Variants in HAUS2 observed in about 807,000 individuals in gnomAD.
The protein encoded by HAUS2 is HAUS augmin-like complex subunit 2.
Under a neutral mutation model 21.6 loss-of-function variants are expected in HAUS2, and 20 were observed. The ratio of observed to expected loss-of-function variants is 0.93; its 90% confidence interval spans 0.65 to 1.35. HAUS2 has a LOEUF of 1.35. HAUS2 is among the 40% of genes most tolerant of loss of function. The pLI is 0.00. For synonymous variants in HAUS2, 113 were observed against 95.6 expected, an observed-to-expected ratio of 1.18 and a Z score of -1.06; for missense variants, 297 against 280.7, an observed-to-expected ratio of 1.06 and a Z score of -0.42.
intron 1 of HAUS2, among the ~76,000 whole-genome samples, chr15:42,550,255 T>C (rs2141587964): frequency 7.7e-6 from 1 of 130,422 alleles, no homozygotes; most frequent in South Asian, 2.4e-4. Flanking sequence ...GCACTTAGCC[T>C]GGGCGACAGA....
chr15:42,552,706 C>G (rs753600948), intron 1 of HAUS2, among the ~76,000 whole-genome samples: 1 of 152,088 alleles, frequency 6.6e-6, no homozygotes, highest in Non-Finnish European at 1.5e-5. Flanking sequence ...TTGACCAAAG[C>G]TTGATCATTG....
intron 1 of HAUS2, among the ~76,000 whole-genome samples, chr15:42,551,674 G>A (rs578104305): frequency 6.6e-6 from 1 of 152,022 alleles, no homozygotes; most frequent in Non-Finnish European, 1.5e-5. Context: ...TTGGTACTTG[G>A]TATCCCTCTA....
At chr15:42,564,621 T>G (rs983975423) in intron 5 of HAUS2, among the ~76,000 whole-genome samples, 3 of 152,086 alleles carry the variant, frequency 2.0e-5, no homozygotes, top group African/African-American at 7.2e-5. Flanking sequence ...GGATTCTGAG[T>G]AGGATAGGGA....
In HAUS2 at chr15:42,557,515, A is replaced by ATATATAATGTATATAT. The variant is rs1566832129; in HGVS notation, c.94-677_94-676insATGTATATATTATATA. 2.1e-3 allele frequency among the ~76,000 whole-genome samples: 272 copies of ATATATAATGTATATAT among 128,800 alleles called. 1 individual carries two copies. Among genetic ancestry groups the ATATATAATGTATATAT allele is most frequent in the African/African-American group, 8.6e-3 (218 of 25,252 alleles). The allele number at this position is 128,800 out of a possible 152,430, so 84.5% of individuals were successfully genotyped here. A position where few individuals can be genotyped will look rare whatever the true frequency, so the allele number is the denominator to read the frequency against. On this transcript the variant is annotated intron_variant, in intron 1 of 5. Coordinates refer to ENST00000260372, the MANE Select transcript of HAUS2 (RefSeq NM_018097.3). ...ATACATTGTATATAATGTATATATT[A>ATATATAATGTATATAT]TATATATATGAAGTTCTTTGCTGTG...
At chr15:42,555,251 G>T (rs1450288121) in intron 1 of HAUS2, among the ~76,000 whole-genome samples, 1 of 152,002 alleles carries the variant, frequency 6.6e-6, no homozygotes, top group Non-Finnish European at 1.5e-5. Flanking sequence ...CTCCCAAAGT[G>T]CTGGGATTAC....
intron 1 of HAUS2, among the ~76,000 whole-genome samples, chr15:42,556,648 C>T (rs2057779487): frequency 1.3e-5 from 2 of 152,034 alleles, no homozygotes; most frequent in Admixed American, 1.3e-4. Context: ...TGTACAAAAA[C>T]AGGTAATGGG....
chr15:42,551,290 T>C (rs914555081), intron 1 of HAUS2, among the ~76,000 whole-genome samples: 2 of 151,992 alleles, frequency 1.3e-5, no homozygotes, highest in African/African-American at 4.8e-5. Flanking sequence ...TCTTATCAGG[T>C]TACCTAGTAC....
At chr15:42,563,038 A>G (rs2057866318) in intron 4 of HAUS2, among the ~76,000 whole-genome samples, 1 of 151,866 alleles carries the variant, frequency 6.6e-6, no homozygotes, top group South Asian at 2.1e-4. Flanking sequence ...ACTTGAACCC[A>G]GGAGGCAGAG....
intron 1 of HAUS2, among the ~76,000 whole-genome samples, chr15:42,550,632 A>T (rs1324243587): frequency 6.6e-6 from 1 of 152,148 alleles, no homozygotes; most frequent in Non-Finnish European, 1.5e-5. Context: ...GAGTGACCAC[A>T]GCACTCTACA....
chr15:42,564,549 G>A (rs1409442251), intron 5 of HAUS2, among the ~76,000 whole-genome samples: 1 of 152,156 alleles, frequency 6.6e-6, no homozygotes, highest in Non-Finnish European at 1.5e-5. Flanking sequence ...ATGCAGCAAA[G>A]AATTACAAAG....
At chr15:42,560,909 A>G (rs1244131395) in intron 3 of HAUS2, 16 of 695,968 alleles carry the variant, frequency 2.3e-5, no homozygotes, top group Non-Finnish European at 3.9e-5. Flanking sequence ...CTCTTTTTCG[A>G]TGGTCTTTTA....
rs76830999 is a variant in HAUS2, at chr15:42,569,198, T to C, written c.*2382T>C. 5 of 152,344 alleles carry C rather than the reference T, an allele frequency of 3.3e-5. No homozygotes were observed. The East Asian group carries it at 9.6e-4, about 29-fold the overall frequency. The allele number at this position is 152,344 out of a possible 1,614,324, so 9.4% of individuals were successfully genotyped here. On this transcript the variant is annotated 3_prime_UTR_variant, in exon 6 of 6. Coordinates refer to ENST00000260372, the MANE Select transcript of HAUS2 (RefSeq NM_018097.3). ...CAGGATATACTCTTTTTAATCAGTA[T>C]TGTAACTAACCTTGGCTTATTTTAC...
chr15:42,560,666 A>T (rs80113260), intron 3 of HAUS2: 9 of 586,508 alleles, frequency 1.5e-5, no homozygotes, highest in Non-Finnish European at 2.4e-5. Flanking sequence ...ACCCAGGCTG[A>T]AGTACAGGTC....
chr15:42,560,998 T>C (rs1160193480), intron 3 of HAUS2: 1 of 585,498 alleles, frequency 1.7e-6, no homozygotes, highest in Non-Finnish European at 3.0e-6. Flanking sequence ...GAATAAGAAG[T>C]AGAGATGAGA....
intron 1 of HAUS2, among the ~76,000 whole-genome samples, chr15:42,557,108 A>G (rs1455600551): frequency 2.0e-5 from 3 of 149,464 alleles, no homozygotes; most frequent in African/African-American, 7.4e-5. Context: ...AGGTCAGGAG[A>G]TCGAGACCAT....
intron 1 of HAUS2, among the ~76,000 whole-genome samples, chr15:42,551,545 A>ATT (rs2057725571): frequency 6.6e-6 from 1 of 152,036 alleles, no homozygotes; most frequent in Non-Finnish European, 1.5e-5. Context: ...GGAAGCCGAG[A>ATT]CATGAGAATC....
rs928923772 is a variant in HAUS2, at chr15:42,567,575, A to C, written c.*759A>C. ...AAAATTAGGCCGGGCGCAGTGGCTCACACCTGTAATCCCAACACTTTGGGA... is the reference window on the plus strand; with the variant it reads ...AAAATTAGGCCGGGCGCAGTGGCTCCCACCTGTAATCCCAACACTTTGGGA... On this transcript the variant is annotated 3_prime_UTR_variant, in exon 6 of 6. Transcript: ENST00000260372. 2 of 152,334 alleles carry C rather than the reference A, an allele frequency of 1.3e-5. No homozygotes were observed. Among genetic ancestry groups the C allele is most frequent in the East Asian group, 3.8e-4 (2 of 5,200 alleles). The allele number at this position is 152,334 out of a possible 1,614,324, so 9.4% of individuals were successfully genotyped here. A position where few individuals can be genotyped will look rare whatever the true frequency, so the allele number is the denominator to read the frequency against.
At chr15:42,549,093 G>A (rs1244853142) in intron 1 of HAUS2, 128 bp downstream of exon 1, 3 of 601,176 alleles carry the variant, frequency 5.0e-6, no homozygotes, top group East Asian at 5.7e-5. Flanking sequence ...AGTAATAAGA[G>A]CCCCTTCCAG....
intron 1 of HAUS2, among the ~76,000 whole-genome samples, chr15:42,555,254 G>A (rs899337406): frequency 6.6e-5 from 10 of 151,924 alleles, no homozygotes; most frequent in Non-Finnish European, 1.3e-4. Context: ...CCAAAGTGCT[G>A]GGATTACAGC....
Sources: allele counts gnomAD v4.1 joint callset (sites outside exome capture counted in the v4.1 genomes callset), GRCh38; gene constraint gnomAD v4.1.1; transcripts MANE v1.5; gene names NCBI Gene and HGNC (gene_info 2026-07-23, HGNC 2026-07-21).